The following TMEM130 variants were observed in gnomAD, a reference collection of about 807,000 sequenced individuals.
TMEM130 encodes the protein transmembrane protein 130.
A neutral mutation model predicts 42.9 loss-of-function variants in TMEM130; 37 were observed. The ratio of observed to expected loss-of-function variants is 0.86; its 90% CI spans 0.66 to 1.13. The LOEUF (loss-of-function observed/expected upper bound fraction) is 1.13, where lower values mean the gene tolerates loss of function less well. Among genes scored for constraint, TMEM130 ranks in the 50% most tolerant of loss-of-function variants. TMEM130 has a pLI of 0.00. For synonymous variants in TMEM130, 259 were observed against 237.7 expected (o/e 1.09, Z -0.82); for missense variants, 545 against 562.6 (o/e 0.97, Z 0.32).
intron 5 of TMEM130, among the ~76,000 whole-genome samples, chr7:98,852,784 C>T (rs529070334): frequency 6.6e-6 from 1 of 151,432 alleles, no homozygotes; most frequent in Admixed American, 6.6e-5. Flanking sequence ...TTGGTAGAGA[C>T]CAGGGTTTCA....
chr7:98,851,860 A>T (rs1794514854), intron 5 of TMEM130, among the ~76,000 whole-genome samples: 1 of 152,088 alleles, frequency 6.6e-6, no homozygotes, highest in South Asian at 2.1e-4. Context: ...ATACGCATAG[A>T]CTGCTCACTG....
chr7:98,869,137 G>T lies in TMEM130; in HGVS notation c.85+640C>A. 8.0e-7 allele frequency: 1 copy of T among 1,244,764 alleles called. No homozygotes were observed. Among genetic ancestry groups the T allele is most frequent in the Non-Finnish European group, 1.0e-6 (1 of 966,504 alleles). The allele number at this position is 1,244,764 out of a possible 1,614,324, so 77.1% of individuals were successfully genotyped here. A position where few individuals can be genotyped will look rare whatever the true frequency, so the allele number is the denominator to read the frequency against. On this transcript the variant is annotated intron_variant, in intron 1 of 7. Coordinates refer to ENST00000339375, the MANE Select transcript of TMEM130 (RefSeq NM_152913.3). This position sits in a 1 kb window ranked among gnomAD's most constrained non-coding sequence, Gnocchi z 4.7. The stretch of plus-strand genomic sequence containing the variant: ...GCAGAGAGGTGGGTGCTGGCTTTCT[G>T]GCGGTGGGGAAGTGGGGGCAGTAGA...
chr7:98,856,554 G>A (rs536870728), intron 3 of TMEM130, among the ~76,000 whole-genome samples: 5 of 152,342 alleles, frequency 3.3e-5, no homozygotes, highest in African/African-American at 1.2e-4. Flanking sequence ...CTGTCACCCA[G>A]TGGCACAATC....
chr7:98,865,334 G>A lies in TMEM130; in HGVS notation c.86-1934C>T, dbSNP rs1035462196. Among the ~76,000 whole-genome samples, 16 of 152,208 alleles carry A rather than the reference G, an allele frequency of 1.1e-4. No individual in the cohort carries two copies. In the East Asian group the frequency reaches 2.5e-3, roughly 24 times the overall value. On this transcript the variant is annotated intron_variant, in intron 1 of 7. Coordinates refer to ENST00000339375, the MANE Select transcript of TMEM130 (RefSeq NM_152913.3). Reference sequence around the variant, plus strand: ...TTTCAACAAGAAAGGCTGGCCAGGCGTGGTGGCTCACACCTGTAATTCCAG... The same window carrying A: ...TTTCAACAAGAAAGGCTGGCCAGGCATGGTGGCTCACACCTGTAATTCCAG...
chr7:98,863,268 T>C lies in TMEM130; in HGVS notation c.218A>G (p.His73Arg), dbSNP rs782352157. ...AAGCACCAGCGGGGTGTGGATCCAG[T>C]GGAAGCGGTAGAGGTGGGCGTCAGC... ...LPADAHLYRF[H>R]WIHTPLVLTG... The change falls in exon 2 of 8, where the codon CAC becomes CGC. Residue 73 changes from histidine to arginine, a missense_variant. Coordinates refer to ENST00000339375, the MANE Select transcript of TMEM130 (RefSeq NM_152913.3). 2 of 1,612,896 alleles carry C rather than the reference T, an allele frequency of 1.2e-6. No homozygotes were observed. The highest frequency in any genetic ancestry group is 1.7e-6 in the Non-Finnish European group (2 of 1,179,652).
At position 98,869,808 on chromosome 7, in the gene TMEM130, G is replaced by C; in HGVS notation, c.54C>G (p.Leu18=). The C allele has an allele frequency of 1.4e-6, 2 of 1,444,606 alleles. No individual in the cohort carries two copies. The highest frequency in any genetic ancestry group is 3.0e-5 in the East Asian group (1 of 33,276). 89.5% of individuals were successfully genotyped at this position (1,444,606 alleles called of 1,614,324 possible). A position where few individuals can be genotyped will look rare whatever the true frequency, so the allele number is the denominator to read the frequency against. ...RLGRILWLAC[L]LPWAPAGVAA... is the part of the protein sequence containing the mutation. ...CCACCCCTGCCGGGGCCCAGGGCAG[G>C]AGGCAGGCAAGCCAGAGGATGCGGC... Residue 18 remains leucine, a synonymous_variant, in exon 1 of 8, where the codon CTC becomes CTG. Coordinates refer to ENST00000339375, the MANE Select transcript of TMEM130 (RefSeq NM_152913.3). This position sits in a 1 kb window ranked among gnomAD's most constrained non-coding sequence, Gnocchi z 4.7.
chr7:98,855,452 T>C (rs1451243659), intron 4 of TMEM130, 128 bp from the exon 5 acceptor site: 8 of 809,642 alleles, frequency 9.9e-6, no homozygotes, highest in Middle Eastern at 2.6e-4. Context: ...AGGCCACAGG[T>C]CTGTGCGGGG....
rs551966349 is a variant in TMEM130 at position 98,869,793 on chromosome 7, C to T, written c.69G>A (p.Pro23=). 38 of 1,428,470 alleles carry T rather than the reference C, an allele frequency of 2.7e-5. 1 individual carries two copies. The African/African-American group carries it at 2.8e-4, about 11-fold the overall frequency. The allele number at this position is 1,428,470 out of a possible 1,614,324, so 88.5% of individuals were successfully genotyped here. A position where few individuals can be genotyped will look rare whatever the true frequency, so the allele number is the denominator to read the frequency against. The change falls in exon 1 of 8, where the codon CCG becomes CCA. Residue 23 remains proline, a synonymous_variant. Transcript: ENST00000339375. This position sits in a 1 kb window ranked among gnomAD's most constrained non-coding sequence, Gnocchi z 4.7. The stretch of plus-strand genomic sequence containing the variant: ...GCGCCTTACCTGCGGCCACCCCTGC[C>T]GGGGCCCAGGGCAGGAGGCAGGCAA... ...LWLACLLPWA[P]AGVAAGLYEL... is the part of the protein sequence containing the mutation.
At chr7:98,869,000 G>A (rs1457928468) in intron 1 of TMEM130, among the ~76,000 whole-genome samples, 2 of 152,102 alleles carry the variant, frequency 1.3e-5, no homozygotes, top group African/African-American at 4.8e-5. Flanking sequence ...TCTTTTATGA[G>A]GGGGGAGGGG....
At chr7:98,862,998 G>C in intron 2 of TMEM130, 97 bp downstream of exon 2, 1 of 1,310,152 alleles carries the variant, frequency 7.6e-7, no homozygotes, top group South Asian at 1.4e-5. Flanking sequence ...CAGAACCTAC[G>C]GGCCTAATCT....
chr7:98,853,983 C>A (rs1410254100), intron 5 of TMEM130, among the ~76,000 whole-genome samples: 2 of 152,146 alleles, frequency 1.3e-5, no homozygotes, highest in Non-Finnish European at 2.9e-5. Context: ...GGTGCAAGCT[C>A]CCCTGTGCAG....
intron 3 of TMEM130, among the ~76,000 whole-genome samples, chr7:98,859,726 AAATAAATT>A (rs1411443822): frequency 2.3e-4 from 34 of 150,784 alleles, no homozygotes; most frequent in East Asian, 7.9e-4. Context: ...AAATATAAAT[AAATAAATT>A]AATTAATTAA....
rs782282547 is a variant in TMEM130 at position 98,863,252 on chromosome 7, C to T, written c.234G>A (p.Pro78=). 8.1e-6 allele frequency: 13 copies of T among 1,614,004 alleles called. No individual in the cohort carries two copies. The highest frequency in any genetic ancestry group is 1.1e-5 in the Non-Finnish European group (13 of 1,180,022). Residue 78 remains proline, a synonymous_variant, in exon 2 of 8, where the codon CCG becomes CCA. Transcript: ENST00000339375. ...HLYRFHWIHT[P]LVLTGKMEKG... ...TCTCCATCTTGCCAGTAAGCACCAG[C>T]GGGGTGTGGATCCAGTGGAAGCGGT...
At chr7:98,865,613 A>T (rs1270081506) in intron 1 of TMEM130, among the ~76,000 whole-genome samples, 2 of 151,894 alleles carry the variant, frequency 1.3e-5, no homozygotes, top group African/African-American at 2.4e-5. Flanking sequence ...TCTCAAAAAA[A>T]TTTAAAAAAA....
intron 7 of TMEM130, 45 bp downstream of exon 7, chr7:98,848,538 T>C: frequency 7.4e-7 from 1 of 1,347,306 alleles, no homozygotes; most frequent in Non-Finnish European, 1.1e-6. Flanking sequence ...ACATCCTCTC[T>C]AGGCAAGGCC....
chr7:98,863,069 A>G (rs1554400049), intron 2 of TMEM130, 26 bp downstream of exon 2: 1 of 1,593,428 alleles, frequency 6.3e-7, no homozygotes, highest in Non-Finnish European at 8.5e-7. Flanking sequence ...TTTGAAGGCA[A>G]ACTAGCAAAT....
intron 1 of TMEM130, chr7:98,866,366 A>G (rs1584247103): frequency 6.6e-6 from 1 of 152,226 alleles, no homozygotes; most frequent in Non-Finnish European, 1.5e-5. Context: ...GCCAGCACCA[A>G]CAGGGTGGAA....
chr7:98,848,042 G>T lies in TMEM130; in HGVS notation c.*14C>A. On this transcript the variant is annotated 3_prime_UTR_variant, in exon 8 of 8. Transcript: ENST00000339375. Reference sequence around the variant, plus strand: ...AGTCAGTTAACACTGAGATGGGGTGGGGAGGGGGAGTGCTCACACGGTGTA... The same window carrying T: ...AGTCAGTTAACACTGAGATGGGGTGTGGAGGGGGAGTGCTCACACGGTGTA... 1 of 1,608,634 alleles carries T rather than the reference G, an allele frequency of 6.2e-7. No individual in the cohort carries two copies.
chr7:98,852,109 A>G (rs1410071073), intron 5 of TMEM130, among the ~76,000 whole-genome samples: 3 of 151,538 alleles, frequency 2.0e-5, no homozygotes, highest in Admixed American at 6.6e-5. Context: ...ACCATGCCCA[A>G]CTAATTTTTT....
Sources: gnomAD v4.1 joint callset for allele counts (sites outside exome capture counted in the v4.1 genomes callset) on GRCh38, gnomAD v4.1.1 for gene constraint, Gnocchi (gnomAD v3.1) non-coding constraint, MANE v1.5 for transcripts, NCBI Gene and HGNC (gene_info 2026-07-23, HGNC 2026-07-21) for gene names.